The following PPP1R14C variants were observed in gnomAD, a reference collection of about 807,000 sequenced individuals.
The protein encoded by PPP1R14C is protein phosphatase 1 regulatory subunit 14C.
Under a neutral mutation model 20.4 loss-of-function variants are expected in PPP1R14C, and 16 were observed. The ratio of observed to expected loss-of-function variants is 0.78; its 90% confidence interval spans 0.53 to 1.19. The LOEUF is 1.19. Ranked by LOEUF, PPP1R14C falls within the 50% of genes most tolerant of loss-of-function variation. The probability of loss-of-function intolerance (pLI) is 0.00; values close to 1 mark genes in which losing one functional copy is unlikely to be tolerated. For synonymous variants in PPP1R14C, 91 were observed against 91.0 expected, an observed-to-expected ratio of 1.00 and a Z score of 0.00; for missense variants, 211 against 220.1, an observed-to-expected ratio of 0.96 and a Z score of 0.26.
intron 1 of PPP1R14C, among the ~76,000 whole-genome samples, chr6:150,175,905 G>A (rs1777556755): frequency 6.6e-6 from 1 of 152,152 alleles, no homozygotes. Flanking sequence ...CTGTTTGCTT[G>A]GCCAGTCTTC....
intron 3 of PPP1R14C, among the ~76,000 whole-genome samples, chr6:150,239,671 AC>A (rs1438973939): frequency 2.6e-5 from 4 of 152,204 alleles, no homozygotes; most frequent in African/African-American, 9.6e-5. Flanking sequence ...CACCTTAGGA[AC>A]CAGGAAAAGA....
chr6:150,240,195 T>G (rs1053383657), intron 3 of PPP1R14C, among the ~76,000 whole-genome samples: 4 of 152,144 alleles, frequency 2.6e-5, no homozygotes, highest in Non-Finnish European at 5.9e-5. Flanking sequence ...TTACTAACAT[T>G]AGGAATGAGA....
At chr6:150,171,178 T>C (rs1448610002) in intron 1 of PPP1R14C, among the ~76,000 whole-genome samples, 1 of 152,188 alleles carries the variant, frequency 6.6e-6, no homozygotes, top group Non-Finnish European at 1.5e-5. Context: ...GACAAATGTT[T>C]AATGACATGT....
chr6:150,151,183 T>G (rs893089275), intron 1 of PPP1R14C, among the ~76,000 whole-genome samples: 2 of 152,180 alleles, frequency 1.3e-5, no homozygotes, highest in African/African-American at 4.8e-5. Flanking sequence ...GCCAGATGTA[T>G]TCAGACAACT....
chr6:150,143,877 C>T lies in PPP1R14C; in HGVS notation c.306+379C>T, dbSNP rs1777152898. Among the ~76,000 whole-genome samples, 1 of 152,354 alleles carries T rather than the reference C, an allele frequency of 6.6e-6. No individual in the cohort carries two copies. Among genetic ancestry groups the T allele is most frequent in the African/African-American group, 2.4e-5 (1 of 41,594 alleles). On this transcript the variant is annotated intron_variant, in intron 1 of 3. Coordinates refer to ENST00000361131, the MANE Select transcript of PPP1R14C (RefSeq NM_030949.3). The surrounding 1 kb of genome is among the most constrained non-coding windows in gnomAD (Gnocchi z 5.6). The stretch of plus-strand genomic sequence containing the variant: ...TGCGCCTCAGCAGCGGTTGGGGATA[C>T]AGCAGCCAAAGAGAGCAGCGCTCAC...
At chr6:150,247,021 C>G (rs976901213) in intron 3 of PPP1R14C, among the ~76,000 whole-genome samples, 4 of 151,882 alleles carry the variant, frequency 2.6e-5, no homozygotes, top group Non-Finnish European at 4.4e-5. Flanking sequence ...TCCAGGTTTT[C>G]TAGAAAAAAC....
At chr6:150,237,469 C>T (rs1346856574) in intron 3 of PPP1R14C, among the ~76,000 whole-genome samples, 2 of 152,126 alleles carry the variant, frequency 1.3e-5, no homozygotes, top group Non-Finnish European at 2.9e-5. Flanking sequence ...TCCCACAGTG[C>T]TGGGATTACA....
chr6:150,193,446 A>G (rs1394811838), intron 1 of PPP1R14C, among the ~76,000 whole-genome samples: 1 of 148,172 alleles, frequency 6.7e-6, no homozygotes, highest in Non-Finnish European at 1.5e-5. Flanking sequence ...TGTCTGTATC[A>G]GAGTCTGCAT....
intron 1 of PPP1R14C, among the ~76,000 whole-genome samples, chr6:150,149,439 C>T (rs1175428976): frequency 2.8e-5 from 4 of 143,886 alleles, no homozygotes; most frequent in South Asian, 2.2e-4. Context: ...GATCCTCCCA[C>T]CTAATTTTTT....
chr6:150,162,508 TTTTTTTG>T (rs1261642305), intron 1 of PPP1R14C, among the ~76,000 whole-genome samples: 3 of 135,558 alleles, frequency 2.2e-5, no homozygotes, highest in African/African-American at 8.3e-5. Flanking sequence ...TCATCCGTGG[TTTTTTTG>T]TGACTTGATA....
intron 3 of PPP1R14C, among the ~76,000 whole-genome samples, chr6:150,236,320 G>A (rs1283484536): frequency 1.3e-5 from 2 of 150,666 alleles, no homozygotes; most frequent in African/African-American, 2.5e-5. Context: ...CAGTACCCGC[G>A]AGAGCACGGT....
At chr6:150,226,007 T>C (rs1409759324) in intron 3 of PPP1R14C, among the ~76,000 whole-genome samples, 1 of 152,234 alleles carries the variant, frequency 6.6e-6, no homozygotes, top group East Asian at 1.9e-4. Context: ...CCTTCTGTCA[T>C]ATACTTTGGG....
At chr6:150,235,595 GA>G (rs1419829518) in intron 3 of PPP1R14C, among the ~76,000 whole-genome samples, 1 of 152,250 alleles carries the variant, frequency 6.6e-6, no homozygotes, top group African/African-American at 2.4e-5. Flanking sequence ...ACGTGCCAAT[GA>G]GGAGAGTCTT....
chr6:150,202,622 C>T (rs1250296022), intron 1 of PPP1R14C, among the ~76,000 whole-genome samples: 3 of 152,190 alleles, frequency 2.0e-5, no homozygotes, highest in Admixed American at 2.0e-4. Flanking sequence ...CTGGGAGGGT[C>T]CCCATGGTGC....
chr6:150,212,220 A>G lies in PPP1R14C; in HGVS notation c.307-2524A>G, dbSNP rs372472790. Among the ~76,000 whole-genome samples the G allele has an allele frequency of 1.7e-4, 26 of 152,344 alleles. 2 individuals carry two copies. Among genetic ancestry groups the G allele is most frequent in the Admixed American group, 1.3e-3 (20 of 15,308 alleles). ...ATCTGTGCTTTCCAGCACAGTAGCC[A>G]CTTGCCTCGTGTAGCTATTGAGCAC... On this transcript the variant is annotated intron_variant, in intron 1 of 3. Transcript: ENST00000361131.
At chr6:150,231,358 C>T (rs899317104) in intron 3 of PPP1R14C, among the ~76,000 whole-genome samples, 28 of 152,116 alleles carry the variant, frequency 1.8e-4, no homozygotes, top group African/African-American at 6.3e-4. Context: ...CATCCAAGGC[C>T]CACCCTTCCC....
At position 150,231,204 on chromosome 6, in the gene PPP1R14C, C is replaced by T. The variant is rs369756665; in HGVS notation, c.423+14348C>T. On this transcript the variant is annotated intron_variant, in intron 3 of 3. Transcript: ENST00000361131. ...GGCCGCTGCCGCATCCCCTCCGAAA[C>T]GTGTTTGGACTTCTTTCTTTCTTAG... 7.2e-5 allele frequency among the ~76,000 whole-genome samples: 11 copies of T among 152,308 alleles called. 1 individual carries two copies. Among genetic ancestry groups the T allele is most frequent in the Non-Finnish European group, 1.2e-4 (8 of 68,020 alleles).
chr6:150,171,382 G>A (rs113043958), intron 1 of PPP1R14C, among the ~76,000 whole-genome samples: 452 of 152,282 alleles, frequency 3.0e-3, no homozygotes, highest in African/African-American at 0.011. Flanking sequence ...AATTTTGTTT[G>A]AGCATAACAA....
intron 3 of PPP1R14C, among the ~76,000 whole-genome samples, chr6:150,224,510 A>G (rs540702520): frequency 1.4e-3 from 208 of 152,292 alleles, no homozygotes; most frequent in African/African-American, 4.6e-3. Context: ...ATTTCTGTCG[A>G]GATATCCTCA....
Sources: gnomAD v4.1 joint callset for allele counts (sites outside exome capture counted in the v4.1 genomes callset) on GRCh38, gnomAD v4.1.1 for gene constraint, Gnocchi (gnomAD v3.1) non-coding constraint, MANE v1.5 for transcripts, NCBI Gene and HGNC (gene_info 2026-07-23, HGNC 2026-07-21) for gene names.